The following ZBTB21 variants were observed in gnomAD, a reference collection of about 807,000 sequenced individuals.
ZBTB21 encodes zinc finger and BTB domain containing 21.
A neutral mutation model predicts 39.8 loss-of-function variants in ZBTB21; 10 were observed. The observed-to-expected ratio is 0.25, with a 90% CI of 0.16 to 0.43. The LOEUF (loss-of-function observed/expected upper bound fraction) is 0.43, where lower values mean the gene tolerates loss of function less well. Among genes scored for constraint, ZBTB21 ranks in the 20% least tolerant of loss-of-function variants. The pLI is 1.00. For synonymous variants in ZBTB21, 551 were observed against 498.8 expected (o/e 1.10, Z -1.40); for missense variants, 1,221 against 1,296.3 (o/e 0.94, Z 0.89).
rs2065635115 is a variant in ZBTB21 at position 41,990,503 on chromosome 21, C to A, written c.*392G>T. The A allele has an allele frequency of 6.5e-6, 1 of 154,360 alleles. No individual in the cohort carries two copies. Among genetic ancestry groups the A allele is most frequent in the African/African-American group, 2.4e-5 (1 of 41,516 alleles). 9.6% of individuals were successfully genotyped at this position (154,360 alleles called of 1,614,324 possible). A position where few individuals can be genotyped will look rare whatever the true frequency, so the allele number is the denominator to read the frequency against. ...ACTTAAGAACATGGTTAAGATTTAA[C>A]TAGAACTCAAGTGTCTAAAATAATT... On this transcript the variant is annotated 3_prime_UTR_variant, in exon 3 of 3. Coordinates refer to ENST00000310826, the MANE Select transcript of ZBTB21 (RefSeq NM_001098402.2).
In ZBTB21 at chr21:41,992,764, G is replaced by A. The variant is rs1319873945; in HGVS notation, c.1332C>T (p.Ile444=). 6.2e-7 allele frequency: 1 copy of A among 1,614,114 alleles called. No homozygotes were observed. Among genetic ancestry groups the A allele is most frequent in the Admixed American group, 1.7e-5 (1 of 60,018 alleles). The change falls in exon 3 of 3, where the codon ATC becomes ATT. Residue 444 remains isoleucine, a synonymous_variant. Coordinates refer to ENST00000310826, the MANE Select transcript of ZBTB21 (RefSeq NM_001098402.2). This position sits in a 1 kb window ranked among gnomAD's most constrained non-coding sequence, Gnocchi z 4.1. ...SSPLSDPSDI[I]RVTVGDAATT... is the part of the protein sequence containing the mutation. ...TTGCCGCATCTCCCACAGTGACGCGGATGATGTCCGAGGGGTCCGACAGCG... is the reference window on the plus strand; with the variant it reads ...TTGCCGCATCTCCCACAGTGACGCGAATGATGTCCGAGGGGTCCGACAGCG...
At chr21:42,005,425 T>C (rs1022570698) in intron 1 of ZBTB21, among the ~76,000 whole-genome samples, 2 of 152,224 alleles carry the variant, frequency 1.3e-5, no homozygotes, top group African/African-American at 4.8e-5. Context: ...GGCCTGAAAA[T>C]GCAACCTTGC....
Position 41,993,211 on chromosome 21 carries a change from A to T in ZBTB21, c.885T>A (p.Thr295=). 6.2e-7 allele frequency: 1 copy of T among 1,612,424 alleles called. No individual in the cohort carries two copies. Among genetic ancestry groups the T allele is most frequent in the Non-Finnish European group, 8.5e-7 (1 of 1,180,020 alleles). Residue 295 remains threonine, a synonymous_variant, in exon 3 of 3, where the codon ACT becomes ACA. Transcript: ENST00000310826. ...SSETPYLLKE[T]NKGNGQGEDR... is the part of the protein sequence containing the mutation. ...CTTCACCTTGACCATTTCCTTTGTT[A>T]GTTTCTTTTAATAGATAGGGAGTCT...
In ZBTB21 at chr21:41,993,841, G is replaced by A. The variant is rs753289447; in HGVS notation, c.255C>T (p.Asn85=). Residue 85 remains asparagine, a synonymous_variant, in exon 3 of 3, where the codon AAC becomes AAT. Transcript: ENST00000310826. ...CAAATAGAGAGGAAGAATAAATGTA[G>A]TTTAAAACATTATCAAAAGCATCTG... ...CEPDAFDNVL[N]YIYSSSLFVE... 4 of 1,614,104 alleles carry A rather than the reference G, an allele frequency of 2.5e-6. No individual in the cohort carries two copies. The highest frequency in any genetic ancestry group is 3.4e-6 in the Non-Finnish European group (4 of 1,180,002).
In ZBTB21 at chr21:41,994,126, A is replaced by G. The variant is rs773616321; in HGVS notation, c.-13-18T>C. ...GAGTTTATCTAAAAGACAAAATGTA[A>G]AATTACTACAGATATTGCAGTGAAA... On this transcript the variant is annotated intron_variant, in intron 2 of 2. Transcript: ENST00000310826. 6.5e-7 allele frequency: 1 copy of G among 1,537,962 alleles called. No individual in the cohort carries two copies. The highest frequency in any genetic ancestry group is 1.4e-5 in the African/African-American group (1 of 72,054).
chr21:42,003,918 C>T (rs1455796931), intron 1 of ZBTB21, among the ~76,000 whole-genome samples: 1 of 152,068 alleles, frequency 6.6e-6, no homozygotes, highest in Non-Finnish European at 1.5e-5. Flanking sequence ...CCCTTCAGAA[C>T]TGGATTCCAG....
In ZBTB21 at chr21:41,992,614, A is replaced by G. The variant is rs61751934; in HGVS notation, c.1482T>C (p.Phe494=). The change falls in exon 3 of 3, where the codon TTT becomes TTC. Residue 494 remains phenylalanine, a synonymous_variant. Transcript: ENST00000310826. The surrounding 1 kb of genome is among the most constrained non-coding windows in gnomAD (Gnocchi z 4.1). ...RRFQADRRLP[F]KKLKVNEHGS... is the part of the protein sequence containing the mutation. ...CGTGCTCATTCACCTTTAACTTCTT[A>G]AACGGCAATCTTCGGTCCGCTTGGA... 3,282 of 1,614,156 alleles carry G rather than the reference A, an allele frequency of 2.0e-3. 4 individuals carry two copies. Among genetic ancestry groups the G allele is most frequent in the Non-Finnish European group, 2.6e-3 (3,081 of 1,180,032 alleles).
intron 2 of ZBTB21, among the ~76,000 whole-genome samples, chr21:41,998,393 A>C (rs965399288): frequency 6.6e-6 from 1 of 151,936 alleles, no homozygotes; most frequent in African/African-American, 2.4e-5. Context: ...GTTTCACCAT[A>C]TTAGCCAGAC....
chr21:41,993,820 T>C lies in ZBTB21; in HGVS notation c.276A>G (p.Leu92=), dbSNP rs775875635. ...CAGCAAGGCTGCTCTTCTCAACAAA[T>C]AGAGAGGAAGAATAAATGTAGTTTA... ...NVLNYIYSSS[L]FVEKSSLAAV... Residue 92 remains leucine, a synonymous_variant, in exon 3 of 3, where the codon CTA becomes CTG. Coordinates refer to ENST00000310826, the MANE Select transcript of ZBTB21 (RefSeq NM_001098402.2). 2.5e-6 allele frequency: 4 copies of C among 1,614,060 alleles called. No individual in the cohort carries two copies. The highest frequency in any genetic ancestry group is 3.4e-6 in the Non-Finnish European group (4 of 1,180,036).
chr21:42,004,852 A>T (rs2065860383), intron 1 of ZBTB21, among the ~76,000 whole-genome samples: 1 of 152,234 alleles, frequency 6.6e-6, no homozygotes, highest in South Asian at 2.1e-4. Flanking sequence ...CCAAACCCTC[A>T]TTTCAGGATT....
Position 41,987,065 on chromosome 21 carries a change from C to G in ZBTB21, c.*3830G>C, listed in dbSNP as rs2065587938. On this transcript the variant is annotated 3_prime_UTR_variant, in exon 3 of 3. Coordinates refer to ENST00000310826, the MANE Select transcript of ZBTB21 (RefSeq NM_001098402.2). Reference sequence around the variant, plus strand: ...CAGAATTATAAAACCATTCGTTTTTCTTTTAACCATAAGCATATATTCAAT... The same window carrying G: ...CAGAATTATAAAACCATTCGTTTTTGTTTTAACCATAAGCATATATTCAAT... 6.6e-6 allele frequency: 1 copy of G among 152,616 alleles called. No individual in the cohort carries two copies. The highest frequency in any genetic ancestry group is 2.1e-4 in the South Asian group (1 of 4,830). The allele number at this position is 152,616 out of a possible 1,614,324, so 9.5% of individuals were successfully genotyped here.
At chr21:41,994,960 T>G (rs2065726677) in intron 2 of ZBTB21, among the ~76,000 whole-genome samples, 1 of 152,200 alleles carries the variant, frequency 6.6e-6, no homozygotes, top group African/African-American at 2.4e-5. Flanking sequence ...TCTTCCCTGC[T>G]GCCATGTGAG....
intron 1 of ZBTB21, among the ~76,000 whole-genome samples, chr21:42,008,647 T>C (rs2065915157): frequency 6.6e-6 from 1 of 152,124 alleles, no homozygotes; most frequent in Non-Finnish European, 1.5e-5. Context: ...CCCAATTTTG[T>C]TATTTACAAT....
At chr21:42,006,931 C>T (rs2065886042) in intron 1 of ZBTB21, among the ~76,000 whole-genome samples, 1 of 152,234 alleles carries the variant, frequency 6.6e-6, no homozygotes, top group African/African-American at 2.4e-5. Context: ...GCCAACCCTG[C>T]TGACACCTTG....
intron 2 of ZBTB21, chr21:42,002,604 A>G (rs1273164754): frequency 6.6e-6 from 1 of 152,196 alleles, no homozygotes; most frequent in Non-Finnish European, 1.5e-5. Context: ...CCAAATTTCC[A>G]TGCAGGTTTT....
intron 2 of ZBTB21, among the ~76,000 whole-genome samples, chr21:41,997,174 A>G (rs745760310): frequency 1.3e-5 from 2 of 152,176 alleles, no homozygotes; most frequent in Non-Finnish European, 2.9e-5. Flanking sequence ...CTCCTGCTTC[A>G]GCCTCCCCAA....
chr21:42,002,124 G>A (rs2065824956), intron 2 of ZBTB21, among the ~76,000 whole-genome samples: 2 of 152,174 alleles, frequency 1.3e-5, no homozygotes, highest in South Asian at 2.1e-4. Context: ...ATTCTCCCCA[G>A]TACCCCAGGA....
In ZBTB21 at chr21:41,993,955, G is replaced by A. The variant is rs1405356486; in HGVS notation, c.141C>T (p.Val47=). Residue 47 remains valine (V), a synonymous_variant, in exon 3 of 3, where the codon GTC becomes GTT. Coordinates refer to ENST00000310826, the MANE Select transcript of ZBTB21 (RefSeq NM_001098402.2). Reference sequence around the variant, plus strand: ...GAAAGTATTCGCTGCTGGCAGCCAAGACGTTTTTATGAGCTCGGAACTTTT... The same window carrying A: ...GAAAGTATTCGCTGCTGGCAGCCAAAACGTTTTTATGAGCTCGGAACTTTT... ...GDQKFRAHKN[V]LAASSEYFQS... 6.2e-7 allele frequency: 1 copy of A among 1,614,264 alleles called. No homozygotes were observed. Among genetic ancestry groups the A allele is most frequent in the Admixed American group, 1.7e-5 (1 of 60,032 alleles).
At chr21:41,996,877 C>T (rs1345986735) in intron 2 of ZBTB21, among the ~76,000 whole-genome samples, 1 of 152,150 alleles carries the variant, frequency 6.6e-6, no homozygotes, top group Non-Finnish European at 1.5e-5. Context: ...CTGATGGTTT[C>T]ATAACGAGGA....
Sources: gnomAD v4.1 joint callset for allele counts (sites outside exome capture counted in the v4.1 genomes callset) on GRCh38, gnomAD v4.1.1 for gene constraint, Gnocchi (gnomAD v3.1) non-coding constraint, MANE v1.5 for transcripts, NCBI Gene and HGNC (gene_info 2026-07-23, HGNC 2026-07-21) for gene names.